Variants in AGBL4 observed in about 807,000 individuals in gnomAD.
The protein encoded by AGBL4 is AGBL carboxypeptidase 4, also known as cytosolic carboxypeptidase 6.
In AGBL4, 58 loss-of-function variants were observed where a neutral mutation model predicts 66.4. That is an observed-to-expected ratio of 0.87 (90% CI 0.71 to 1.09). AGBL4 has a LOEUF of 1.09. AGBL4 is among the 50% of genes least tolerant of loss of function. The probability of loss-of-function intolerance (pLI) is 0.00; values close to 1 mark genes in which losing one functional copy is unlikely to be tolerated. For missense variants in AGBL4, 579 were observed against 631.0 expected, an observed-to-expected ratio of 0.92 and a Z score of 0.88; for synonymous variants, 234 against 222.9, an observed-to-expected ratio of 1.05 and a Z score of -0.44.
chr1:49,790,851 G>A (rs1644582536), intron 2 of AGBL4, among the ~76,000 whole-genome samples: 1 of 152,106 alleles, frequency 6.6e-6, no homozygotes, highest in Non-Finnish European at 1.5e-5. Flanking sequence ...CAACAGAAAT[G>A]GCAGATAATC....
chr1:49,298,071 A>C (rs903185514), intron 3 of AGBL4, among the ~76,000 whole-genome samples: 1 of 152,164 alleles, frequency 6.6e-6, no homozygotes, highest in Non-Finnish European at 1.5e-5. Context: ...AAGCAGTAAC[A>C]CACAGACCTG....
intron 4 of AGBL4, among the ~76,000 whole-genome samples, chr1:49,103,911 A>C (rs556130109): frequency 6.6e-6 from 1 of 151,928 alleles, no homozygotes; most frequent in African/African-American, 2.4e-5. Context: ...AATTGTGTCG[A>C]CTCTTTATTA....
chr1:49,956,550 C>T (rs1398422295), intron 1 of AGBL4, among the ~76,000 whole-genome samples: 1 of 151,794 alleles, frequency 6.6e-6, no homozygotes, highest in Admixed American at 6.6e-5. Context: ...GCAAAGGCAA[C>T]TTAGTATGCT....
intron 6 of AGBL4, among the ~76,000 whole-genome samples, chr1:48,701,035 A>AT (rs1646792541): frequency 2.0e-5 from 3 of 151,790 alleles, no homozygotes; most frequent in Admixed American, 2.0e-4. Context: ...ATTCTGGGGG[A>AT]TTTTTCTGTT....
chr1:49,818,820 C>T (rs959830623), intron 2 of AGBL4, among the ~76,000 whole-genome samples: 2 of 152,128 alleles, frequency 1.3e-5, no homozygotes, highest in Non-Finnish European at 2.9e-5. Context: ...TGTAACACTC[C>T]TATTATTTAT....
intron 3 of AGBL4, among the ~76,000 whole-genome samples, chr1:49,556,974 C>A (rs1248148988): frequency 6.6e-6 from 1 of 152,124 alleles, no homozygotes; most frequent in African/African-American, 2.4e-5. Context: ...CTGGGGCCGG[C>A]GGTGCCTGCC....
chr1:49,702,808 T>C (rs527968458), intron 2 of AGBL4, among the ~76,000 whole-genome samples: 1 of 152,112 alleles, frequency 6.6e-6, no homozygotes, highest in South Asian at 2.1e-4. Context: ...AATCAACTAA[T>C]GCAATATAAC....
chr1:48,991,624 T>G (rs1463043666), intron 5 of AGBL4, among the ~76,000 whole-genome samples: 2 of 152,160 alleles, frequency 1.3e-5, no homozygotes, highest in Non-Finnish European at 2.9e-5. Flanking sequence ...TGCCCCCTTT[T>G]GAGGATACTT....
At chr1:49,648,580 G>GA (rs1380544195) in intron 3 of AGBL4, among the ~76,000 whole-genome samples, 2 of 151,760 alleles carry the variant, frequency 1.3e-5, no homozygotes, top group Non-Finnish European at 2.9e-5. Context: ...TAAAACGAAA[G>GA]AAAATCAAGG....
chr1:49,581,940 C>T (rs1644550260), intron 3 of AGBL4, among the ~76,000 whole-genome samples: 1 of 152,114 alleles, frequency 6.6e-6, no homozygotes, highest in Non-Finnish European at 1.5e-5. Context: ...GAAGTGTTCT[C>T]CCAGGTCCCA....
intron 3 of AGBL4, among the ~76,000 whole-genome samples, chr1:49,448,774 A>G (rs1208122293): frequency 6.6e-6 from 1 of 152,176 alleles, no homozygotes; most frequent in African/African-American, 2.4e-5. Context: ...TTGAAATAGA[A>G]CATATTTAAG....
chr1:48,704,438 A>AT (rs1646850685), intron 6 of AGBL4, among the ~76,000 whole-genome samples: 2 of 152,172 alleles, frequency 1.3e-5, no homozygotes, highest in Non-Finnish European at 2.9e-5. Flanking sequence ...TAAACTTTTA[A>AT]TTTTTTTAAC....
chr1:49,045,269 T>G (rs929287290), intron 5 of AGBL4, among the ~76,000 whole-genome samples: 1 of 152,216 alleles, frequency 6.6e-6, no homozygotes, highest in African/African-American at 2.4e-5. Context: ...TCAGAGGTTT[T>G]GGGATTCACT....
At chr1:50,004,847 C>T (rs1661016016) in intron 1 of AGBL4, among the ~76,000 whole-genome samples, 1 of 152,030 alleles carries the variant, frequency 6.6e-6, no homozygotes, top group African/African-American at 2.4e-5. Flanking sequence ...GCTGTGGTGG[C>T]TACAGGGAGG....
chr1:49,500,212 T>C (rs1276083999), intron 3 of AGBL4, among the ~76,000 whole-genome samples: 1 of 152,054 alleles, frequency 6.6e-6, no homozygotes, highest in Non-Finnish European at 1.5e-5. Context: ...AGCCCACTTT[T>C]TGATGGGATT....
intron 9 of AGBL4, among the ~76,000 whole-genome samples, chr1:48,597,380 C>T (rs1474519800): frequency 1.3e-5 from 2 of 152,076 alleles, no homozygotes; most frequent in Admixed American, 6.5e-5. Context: ...CTATAAACAT[C>T]AGATAAGCAA....
At chr1:49,387,662 G>C (rs1468065796) in intron 3 of AGBL4, among the ~76,000 whole-genome samples, 1 of 151,930 alleles carries the variant, frequency 6.6e-6, no homozygotes, top group Non-Finnish European at 1.5e-5. Context: ...CAGTCTCTTA[G>C]TTTTTGCTAT....
chr1:49,059,213 G>A lies in AGBL4; in HGVS notation c.378-13413C>T, dbSNP rs115398028. On this transcript the variant is annotated intron_variant, in intron 4 of 13. Coordinates refer to ENST00000371839, the MANE Select transcript of AGBL4 (RefSeq NM_032785.4). The stretch of plus-strand genomic sequence containing the variant: ...GGCAGGGCCCAGGGACCCCTGCTCT[G>A]TGCAGCCTTGGGACATGGTGTCCTG... 3.3e-3 allele frequency among the ~76,000 whole-genome samples: 498 copies of A among 152,346 alleles called. 8 individuals carry two copies. Among genetic ancestry groups the A allele is most frequent in the African/African-American group, 0.011 (452 of 41,580 alleles).
At chr1:49,888,158 A>G (rs1471783996) in intron 1 of AGBL4, among the ~76,000 whole-genome samples, 1 of 152,196 alleles carries the variant, frequency 6.6e-6, no homozygotes, top group Admixed American at 6.5e-5. Flanking sequence ...CAGATCTTGC[A>G]TTTAGCTTGT....
Sources: gnomAD v4.1 joint callset for allele counts (sites outside exome capture counted in the v4.1 genomes callset) on GRCh38, gnomAD v4.1.1 for gene constraint, MANE v1.5 for transcripts, NCBI Gene and HGNC (gene_info 2026-07-23, HGNC 2026-07-21) for gene names.